The following CDH13 variants were observed in gnomAD, a reference collection of about 807,000 sequenced individuals.
CDH13 encodes the protein cadherin 13, also known as cadherin-13.
In CDH13, 24 loss-of-function variants were observed where a neutral mutation model predicts 63.8. The observed-to-expected ratio is 0.38, with a 90% CI of 0.27 to 0.53. CDH13 has a LOEUF of 0.53. CDH13 is among the 20% of genes least tolerant of loss of function. The pLI is 0.85. For missense variants in CDH13, 1,049 were observed against 903.1 expected, an observed-to-expected ratio of 1.16 and a Z score of -2.07; for synonymous variants, 503 against 355.3, an observed-to-expected ratio of 1.42 and a Z score of -4.67.
chr16:83,359,960 A>G (rs187992779), intron 6 of CDH13, among the ~76,000 whole-genome samples: 104 of 152,330 alleles, frequency 6.8e-4, no homozygotes, highest in Middle Eastern at 3.4e-3. Context: ...TAGTCTTAGG[A>G]CACCACACAT....
intron 6 of CDH13, among the ~76,000 whole-genome samples, chr16:83,367,827 G>A (rs1001064948): frequency 6.6e-5 from 10 of 152,146 alleles, no homozygotes; most frequent in African/African-American, 1.4e-4. Flanking sequence ...AAAGGCAGCT[G>A]GAATTTTGAA....
chr16:82,942,726 G>T (rs991094077), intron 2 of CDH13, among the ~76,000 whole-genome samples: 2 of 152,122 alleles, frequency 1.3e-5, no homozygotes, highest in Non-Finnish European at 2.9e-5. Flanking sequence ...TCATTGTAAA[G>T]ATGTGAAATT....
At chr16:83,773,284 A>G (rs1299038292) in intron 11 of CDH13, among the ~76,000 whole-genome samples, 4 of 152,234 alleles carry the variant, frequency 2.6e-5, no homozygotes, top group African/African-American at 9.6e-5. Flanking sequence ...AAGAGAAGTC[A>G]AGGCCTATAT....
intron 2 of CDH13, among the ~76,000 whole-genome samples, chr16:82,909,081 T>C (rs1484842735): frequency 6.6e-6 from 1 of 152,206 alleles, no homozygotes; most frequent in Admixed American, 6.5e-5. Context: ...CTAGATTACT[T>C]ATGATATGTA....
At chr16:82,737,458 A>G (rs1324197337) in intron 1 of CDH13, among the ~76,000 whole-genome samples, 1 of 152,240 alleles carries the variant, frequency 6.6e-6, no homozygotes, top group Admixed American at 6.5e-5. Flanking sequence ...AAAGAAATAT[A>G]ATCCTTGAAA....
chr16:83,087,442 G>C (rs2033659346), intron 3 of CDH13, among the ~76,000 whole-genome samples: 1 of 152,010 alleles, frequency 6.6e-6, no homozygotes, highest in Admixed American at 6.5e-5. Context: ...GGCCGAGGCG[G>C]GCAGATCACG....
intron 3 of CDH13, among the ~76,000 whole-genome samples, chr16:83,088,905 C>G (rs1304615561): frequency 6.6e-6 from 1 of 152,144 alleles, no homozygotes; most frequent in East Asian, 1.9e-4. Context: ...CTGTTTTTGT[C>G]AATAAAGCTT....
intron 4 of CDH13, among the ~76,000 whole-genome samples, chr16:83,209,057 G>A (rs1304292851): frequency 6.6e-6 from 1 of 152,154 alleles, no homozygotes; most frequent in Non-Finnish European, 1.5e-5. Flanking sequence ...GTGGCAGCAG[G>A]TTCAAGATGC....
At chr16:83,625,195 T>TGTGTGTGCATGTGTGTGTGCACAC (rs1910184223) in intron 8 of CDH13, among the ~76,000 whole-genome samples, 2 of 150,532 alleles carry the variant, frequency 1.3e-5, no homozygotes, top group Admixed American at 1.3e-4. Flanking sequence ...TGCTCATGTG[T>TGTGTGTGCATGTGTGTGTGCACAC]GTGTGTGCAT....
chr16:82,719,490 A>C lies in CDH13; in HGVS notation c.45+92353A>C, dbSNP rs527833674. 2.1e-3 allele frequency: 934 copies of C among 454,588 alleles called. 1 individual carries two copies. Among genetic ancestry groups the C allele is most frequent in the Non-Finnish European group, 3.2e-3 (726 of 226,048 alleles). The allele number at this position is 454,588 out of a possible 1,614,324, so 28.2% of individuals were successfully genotyped here. On this transcript the variant is annotated intron_variant, in intron 1 of 13. Coordinates refer to ENST00000567109, the MANE Select transcript of CDH13 (RefSeq NM_001257.5). The stretch of plus-strand genomic sequence containing the variant: ...ATGCCAACTTCGTAAGTTACATGAG[A>C]TGTGAAGGCAGTGATGGAAGTGGAG...
At chr16:82,950,093 A>G (rs990608860) in intron 2 of CDH13, among the ~76,000 whole-genome samples, 1 of 152,136 alleles carries the variant, frequency 6.6e-6, no homozygotes, top group Non-Finnish European at 1.5e-5. Context: ...GGCTTAAACA[A>G]AATAAATTTC....
intron 1 of CDH13, among the ~76,000 whole-genome samples, chr16:82,830,867 C>G (rs777255203): frequency 2.2e-4 from 33 of 152,138 alleles, no homozygotes; most frequent in South Asian, 2.1e-4. Flanking sequence ...TTCTATGTGA[C>G]AAGATATAGA....
intron 4 of CDH13, among the ~76,000 whole-genome samples, chr16:83,197,753 A>G (rs1358001907): frequency 6.6e-6 from 1 of 151,844 alleles, no homozygotes; most frequent in African/African-American, 2.4e-5. Context: ...ACTGCAAAAA[A>G]CTAAATACAC....
chr16:82,842,296 C>T (rs2151134747), intron 1 of CDH13, among the ~76,000 whole-genome samples: 1 of 151,638 alleles, frequency 6.6e-6, no homozygotes. Context: ...AGTCTTGAGA[C>T]ATCTGAGTCC....
At chr16:82,721,500 C>T (rs1431071458) in intron 1 of CDH13, among the ~76,000 whole-genome samples, 1 of 152,036 alleles carries the variant, frequency 6.6e-6, no homozygotes, top group Non-Finnish European at 1.5e-5. Context: ...TGGCCAGTCA[C>T]CCAGTGAGGC....
chr16:82,731,519 G>A (rs2033401429), intron 1 of CDH13, among the ~76,000 whole-genome samples: 2 of 152,120 alleles, frequency 1.3e-5, no homozygotes, highest in South Asian at 4.1e-4. Context: ...AAGTATTTTG[G>A]GATTCAGCAA....
intron 6 of CDH13, among the ~76,000 whole-genome samples, chr16:83,481,747 AT>A (rs2073770822): frequency 6.6e-6 from 1 of 152,122 alleles, no homozygotes; most frequent in South Asian, 2.1e-4. Context: ...GGTGATTATA[AT>A]TTATTTTGTC....
intron 4 of CDH13, among the ~76,000 whole-genome samples, chr16:83,153,431 C>G (rs28480622): frequency 0.015 from 2,293 of 152,248 alleles, 66 homozygotes; most frequent in African/African-American, 0.052. Flanking sequence ...AGCTGCATGA[C>G]TCCTAAACCA....
intron 1 of CDH13, among the ~76,000 whole-genome samples, chr16:82,730,816 G>C (rs778477136): frequency 6.6e-6 from 1 of 152,104 alleles, no homozygotes; most frequent in Non-Finnish European, 1.5e-5. Context: ...AGCCAGCTCA[G>C]TCCAGCCCAG....
Sources: allele counts gnomAD v4.1 joint callset (sites outside exome capture counted in the v4.1 genomes callset), GRCh38; gene constraint gnomAD v4.1.1; transcripts MANE v1.5; gene names NCBI Gene and HGNC (gene_info 2026-07-23, HGNC 2026-07-21).